Variants in SNTG1 observed in about 807,000 individuals in gnomAD.
SNTG1 encodes the protein syntrophin gamma 1, also known as gamma-1-syntrophin.
A neutral mutation model predicts 74.7 loss-of-function variants in SNTG1; 39 were observed. The ratio of observed to expected loss-of-function variants is 0.52; its 90% CI spans 0.40 to 0.68. The LOEUF is 0.68. Ranked by LOEUF, SNTG1 falls within the 30% of genes least tolerant of loss-of-function variation. The pLI, the probability that SNTG1 is intolerant of heterozygous loss-of-function variation, is 0.00. For synonymous variants in SNTG1, 254 were observed against 217.1 expected (o/e 1.17, Z -1.49); for missense variants, 685 against 609.5 (o/e 1.12, Z -1.30).
intron 13 of SNTG1, among the ~76,000 whole-genome samples, chr8:50,604,898 G>A (rs530902624): frequency 6.6e-6 from 1 of 152,278 alleles, no homozygotes; most frequent in Admixed American, 6.5e-5. Context: ...CAAAGGCCAT[G>A]GCATACGAAC....
At chr8:50,117,109 C>G (rs893511992) in intron 1 of SNTG1, among the ~76,000 whole-genome samples, 1 of 151,910 alleles carries the variant, frequency 6.6e-6, no homozygotes, top group African/African-American at 2.4e-5. Flanking sequence ...AATACTGGAA[C>G]TAACATATTC....
At chr8:50,545,932 A>C (rs1263239388) in intron 11 of SNTG1, among the ~76,000 whole-genome samples, 1 of 152,134 alleles carries the variant, frequency 6.6e-6, no homozygotes, top group Non-Finnish European at 1.5e-5. Context: ...TATGAATCTG[A>C]CTTATAGTAA....
chr8:50,200,532 C>G (rs185968818), intron 2 of SNTG1, among the ~76,000 whole-genome samples: 313 of 152,264 alleles, frequency 2.1e-3, no homozygotes, highest in Non-Finnish European at 3.5e-3. Context: ...TTGTAATTCT[C>G]TGCTCTCTCT....
chr8:50,542,480 G>A (rs2094355828), intron 11 of SNTG1, among the ~76,000 whole-genome samples: 1 of 152,020 alleles, frequency 6.6e-6, no homozygotes, highest in South Asian at 2.1e-4. Context: ...ACTTTCTTTA[G>A]CCATTTATGC....
chr8:50,487,043 T>A (rs546989311), intron 8 of SNTG1, among the ~76,000 whole-genome samples: 1 of 152,298 alleles, frequency 6.6e-6, no homozygotes, highest in East Asian at 1.9e-4. Flanking sequence ...TGCTGCTGGA[T>A]TCGGTTTGCC....
intron 1 of SNTG1, among the ~76,000 whole-genome samples, chr8:50,153,803 G>A (rs776932568): frequency 1.2e-4 from 18 of 152,206 alleles, no homozygotes; most frequent in Non-Finnish European, 2.5e-4. Context: ...TGAGGTGTCA[G>A]TCTGCCCCCT....
At position 50,150,423 on chromosome 8, in the gene SNTG1, A is replaced by G. The variant is rs2082026074; in HGVS notation, c.-102-22138A>G. Among the ~76,000 whole-genome samples the G allele has an allele frequency of 2.0e-5, 3 of 152,104 alleles. No individual in the cohort carries two copies. The South Asian group carries it at 6.2e-4, about 32-fold the overall frequency. ...CTGATTGCCCTGGCCAGAACTTCCA[A>G]CACTATGTTGAATAGGAGTGGTGAG... On this transcript the variant is annotated intron_variant, in intron 1 of 18. Coordinates refer to ENST00000642720, the MANE Select transcript of SNTG1 (RefSeq NM_018967.5).
intron 1 of SNTG1, among the ~76,000 whole-genome samples, chr8:50,128,351 A>G (rs2131386912): frequency 6.6e-6 from 1 of 152,292 alleles, no homozygotes; most frequent in Non-Finnish European, 1.5e-5. Flanking sequence ...ACTTGTAACA[A>G]TGGTTCTTGT....
intron 5 of SNTG1, among the ~76,000 whole-genome samples, chr8:50,446,001 A>G (rs755945487): frequency 5.3e-5 from 8 of 152,210 alleles, no homozygotes; most frequent in Non-Finnish European, 1.2e-4. Context: ...AAGGAGGAGC[A>G]TAACTGGCCA....
intron 4 of SNTG1, among the ~76,000 whole-genome samples, chr8:50,405,616 G>T (rs2092863579): frequency 6.6e-6 from 1 of 151,942 alleles, no homozygotes; most frequent in Non-Finnish European, 1.5e-5. Context: ...TACTCTATTA[G>T]TATTTTTGAT....
intron 1 of SNTG1, among the ~76,000 whole-genome samples, chr8:50,076,002 C>T (rs1045998655): frequency 7.2e-5 from 11 of 152,200 alleles, no homozygotes; most frequent in African/African-American, 2.7e-4. Context: ...AAGAAACCAC[C>T]CCTTCCAGAC....
At chr8:50,753,583 A>T (rs1051689266) in intron 18 of SNTG1, among the ~76,000 whole-genome samples, 9 of 151,948 alleles carry the variant, frequency 5.9e-5, no homozygotes, top group Non-Finnish European at 1.3e-4. Flanking sequence ...TGGTATTTAG[A>T]TATTAATTTA....
chr8:50,342,688 A>G (rs1052079485), intron 2 of SNTG1, among the ~76,000 whole-genome samples: 2 of 152,194 alleles, frequency 1.3e-5, no homozygotes, highest in African/African-American at 4.8e-5. Flanking sequence ...ACAGAAAACT[A>G]AGAAGCTTGT....
intron 2 of SNTG1, among the ~76,000 whole-genome samples, chr8:50,388,633 G>T (rs1390669088): frequency 6.6e-6 from 1 of 152,132 alleles, no homozygotes; most frequent in Non-Finnish European, 1.5e-5. Context: ...ATCTACATCA[G>T]CCCAGCAGGC....
chr8:50,461,156 G>GGTGTGTGTGTGTGT (rs71233496), intron 8 of SNTG1, among the ~76,000 whole-genome samples: 17 of 124,174 alleles, frequency 1.4e-4, no homozygotes, highest in Non-Finnish European at 1.4e-4. Flanking sequence ...AGATTTTTCT[G>GGTGTGTGTGTGTGT]GTGTGTGTGT....
intron 1 of SNTG1, among the ~76,000 whole-genome samples, chr8:50,145,071 C>T (rs1230240255): frequency 1.3e-5 from 2 of 152,022 alleles, no homozygotes; most frequent in East Asian, 1.9e-4. Flanking sequence ...CCCTCCACGC[C>T]GAGAGGACTC....
At chr8:50,659,789 G>T (rs1045091872) in intron 15 of SNTG1, among the ~76,000 whole-genome samples, 1 of 152,078 alleles carries the variant, frequency 6.6e-6, no homozygotes, top group African/African-American at 2.4e-5. Context: ...AGGAAAAGGA[G>T]ATCATACACG....
chr8:50,672,544 T>C (rs2095289395), intron 15 of SNTG1, among the ~76,000 whole-genome samples: 1 of 147,888 alleles, frequency 6.8e-6, no homozygotes, highest in Non-Finnish European at 1.5e-5. Flanking sequence ...TTGTTTTTTT[T>C]CTTGTAAATT....
rs149360285 is a variant in SNTG1 at position 50,181,220 on chromosome 8, C to T, written c.-28+8585C>T. Among the ~76,000 whole-genome samples the T allele has an allele frequency of 3.1e-3, 475 of 152,304 alleles. 2 individuals are homozygous for T. The highest frequency in any genetic ancestry group is 0.014 in the Middle Eastern group (4 of 294). On this transcript the variant is annotated intron_variant, in intron 2 of 18. Coordinates refer to ENST00000642720, the MANE Select transcript of SNTG1 (RefSeq NM_018967.5). ...CACTTTTAGTTAACTTAATCTGACT[C>T]ATGTCCTATGCTTTTACACATGCCC...
Sources: allele counts gnomAD v4.1 joint callset (sites outside exome capture counted in the v4.1 genomes callset), GRCh38; gene constraint gnomAD v4.1.1; transcripts MANE v1.5; gene names NCBI Gene and HGNC (gene_info 2026-07-23, HGNC 2026-07-21).